CDH2: variants seen among roughly 807,000 people sequenced by gnomAD.
The protein encoded by CDH2 is cadherin-2.
In CDH2, 17 loss-of-function variants were observed where a neutral mutation model predicts 92.0. That is an observed-to-expected ratio of 0.18 (90% CI 0.13 to 0.28). CDH2 has a LOEUF of 0.28. Among genes scored for constraint, CDH2 ranks in the 10% least tolerant of loss-of-function variants. The probability of loss-of-function intolerance (pLI) is 1.00; values close to 1 mark genes in which losing one functional copy is unlikely to be tolerated. For synonymous variants in CDH2, 419 were observed against 415.9 expected (o/e 1.01, Z -0.09); for missense variants, 862 against 1,133.1 (o/e 0.76, Z 3.44).
chr18:28,142,872 C>T (rs751284242), intron 2 of CDH2, among the ~76,000 whole-genome samples: 16 of 152,152 alleles, frequency 1.1e-4, no homozygotes, highest in Non-Finnish European at 1.9e-4. Context: ...ATTCAAGTCT[C>T]TTTCCCAATT....
intron 2 of CDH2, among the ~76,000 whole-genome samples, chr18:28,118,590 A>AGTGTGT (rs57324446): frequency 2.7e-4 from 40 of 148,454 alleles, no homozygotes; most frequent in African/African-American, 9.3e-4. Context: ...AATTTAGTTC[A>AGTGTGT]GTGTGTGTGT....
chr18:28,118,550 T>C (rs931605947), intron 2 of CDH2, among the ~76,000 whole-genome samples: 4 of 152,054 alleles, frequency 2.6e-5, no homozygotes, highest in African/African-American at 9.7e-5. Flanking sequence ...TGTTTTATAA[T>C]GCATTTACAG....
At chr18:28,125,488 AG>A (rs2144280687) in intron 2 of CDH2, among the ~76,000 whole-genome samples, 1 of 152,208 alleles carries the variant, frequency 6.6e-6, no homozygotes, top group Non-Finnish European at 1.5e-5. Flanking sequence ...TGTATTGGGG[AG>A]GGAAAAAATG....
intron 2 of CDH2, among the ~76,000 whole-genome samples, chr18:28,140,078 C>T (rs2144313626): frequency 6.6e-6 from 1 of 152,096 alleles, no homozygotes; most frequent in Non-Finnish European, 1.5e-5. Flanking sequence ...TTCAGTCCAT[C>T]ATATCCTGTC....
chr18:28,022,628 A>G (rs1306556318), intron 2 of CDH2, among the ~76,000 whole-genome samples: 4 of 152,136 alleles, frequency 2.6e-5, no homozygotes, highest in Admixed American at 6.6e-5. Context: ...ATTAAAGTTC[A>G]TGGTCCTTCC....
chr18:27,986,563 TCA>T (rs199971385), intron 11 of CDH2, among the ~76,000 whole-genome samples: 1 of 152,250 alleles, frequency 6.6e-6, no homozygotes, highest in Admixed American at 6.5e-5. Context: ...TTGTAAATAT[TCA>T]CACACACACA....
intron 2 of CDH2, among the ~76,000 whole-genome samples, chr18:28,015,227 T>A (rs150334795): frequency 1.3e-5 from 2 of 152,286 alleles, no homozygotes; most frequent in Admixed American, 1.3e-4. Context: ...TTAGTAACCA[T>A]AAAATCCTTG....
At chr18:28,165,037 T>C (rs989792604) in intron 1 of CDH2, among the ~76,000 whole-genome samples, 1 of 152,226 alleles carries the variant, frequency 6.6e-6, no homozygotes, top group Non-Finnish European at 1.5e-5. Flanking sequence ...AACAAAGTCT[T>C]GCATGCATTA....
chr18:28,016,999 G>T (rs1459005599), intron 2 of CDH2, among the ~76,000 whole-genome samples: 1 of 151,982 alleles, frequency 6.6e-6, no homozygotes, highest in African/African-American at 2.4e-5. Context: ...TTATCTTTTT[G>T]CTATGCTATT....
chr18:27,968,587 AG>A (rs1457253325), intron 14 of CDH2, among the ~76,000 whole-genome samples: 9 of 152,178 alleles, frequency 5.9e-5, no homozygotes, highest in African/African-American at 2.2e-4. Flanking sequence ...CATGGAGGAG[AG>A]GGGTGGACAC....
Position 28,048,713 on chromosome 18 carries a change from C to G in CDH2, c.173-34804G>C, listed in dbSNP as rs149542947. On this transcript the variant is annotated intron_variant, in intron 2 of 15. Transcript: ENST00000269141. ...GAATGTAAACAAAGAATGCTGATCCCGTAACTAAATGCAGCAGTGCCTTTA... is the reference window on the plus strand; with the variant it reads ...GAATGTAAACAAAGAATGCTGATCCGGTAACTAAATGCAGCAGTGCCTTTA... Among the ~76,000 whole-genome samples the G allele has an allele frequency of 9.1e-4, 138 of 152,180 alleles. 1 individual carries two copies. Among genetic ancestry groups the G allele is most frequent in the Middle Eastern group, 3.4e-3 (1 of 294 alleles).
intron 2 of CDH2, among the ~76,000 whole-genome samples, chr18:28,129,789 T>C (rs962669082): frequency 1.3e-5 from 2 of 152,180 alleles, no homozygotes; most frequent in African/African-American, 4.8e-5. Flanking sequence ...GGATCGTACA[T>C]TTATCTCCAA....
chr18:27,990,716 T>C (rs562364955), intron 9 of CDH2, among the ~76,000 whole-genome samples: 8 of 152,332 alleles, frequency 5.3e-5, no homozygotes, highest in African/African-American at 2.4e-5. Context: ...TCTAAATGTA[T>C]ACTCTCAAAC....
intron 2 of CDH2, among the ~76,000 whole-genome samples, chr18:28,041,193 A>G (rs2013941085): frequency 6.6e-6 from 1 of 152,244 alleles, no homozygotes; most frequent in Non-Finnish European, 1.5e-5. Flanking sequence ...TTATAAATTT[A>G]GAAAATAATG....
intron 2 of CDH2, among the ~76,000 whole-genome samples, chr18:28,024,987 A>G (rs1432256975): frequency 1.3e-5 from 2 of 152,240 alleles, no homozygotes; most frequent in South Asian, 2.1e-4. Context: ...TAAAATTTAT[A>G]TAACTTCTAT....
chr18:27,993,743 T>C lies in CDH2; in HGVS notation c.1021-106A>G. 4 of 821,682 alleles carry C rather than the reference T, an allele frequency of 4.9e-6. No homozygotes were observed. In the East Asian group the frequency reaches 7.5e-5, roughly 15 times the overall value. The allele number at this position is 821,682 out of a possible 1,614,324, so 50.9% of individuals were successfully genotyped here. On this transcript the variant is annotated intron_variant, in intron 7 of 15. Transcript: ENST00000269141. ...ATAATGCAAGGAGAGCATGGCATCA[T>C]TCATTCTGATTAACATGACTTGAAA... is the stretch of plus-strand genomic sequence containing the variant.
intron 10 of CDH2, among the ~76,000 whole-genome samples, chr18:27,989,550 G>A (rs1306263742): frequency 2.6e-5 from 4 of 152,122 alleles, no homozygotes; most frequent in African/African-American, 7.2e-5. Context: ...GAGAACAGTC[G>A]CATGGGGTGT....
At chr18:28,040,927 G>A (rs1489133398) in intron 2 of CDH2, among the ~76,000 whole-genome samples, 2 of 152,166 alleles carry the variant, frequency 1.3e-5, no homozygotes, top group Admixed American at 1.3e-4. Flanking sequence ...CTAAAAGGTA[G>A]ATGTTACTTT....
intron 6 of CDH2, among the ~76,000 whole-genome samples, chr18:27,945,327 T>TTTA (rs1909244649): frequency 7.5e-6 from 1 of 133,590 alleles, no homozygotes; most frequent in Non-Finnish European, 1.5e-5. Flanking sequence ...AGGAAGATTT[T>TTTA]TTTTTTTTTT....
Sources: gnomAD v4.1 joint callset for allele counts (sites outside exome capture counted in the v4.1 genomes callset) on GRCh38, gnomAD v4.1.1 for gene constraint, MANE v1.5 for transcripts, NCBI Gene and HGNC (gene_info 2026-07-23, HGNC 2026-07-21) for gene names.